The following ROBO1 variants were observed in gnomAD, a reference collection of about 807,000 sequenced individuals.
ROBO1 encodes roundabout guidance receptor 1, also known as roundabout homolog 1.
ROBO1 carries 149 observed loss-of-function variants against 195.9 expected under a neutral mutation model. That is an observed-to-expected ratio of 0.76 (90% confidence interval 0.67 to 0.87). The LOEUF (loss-of-function observed/expected upper bound fraction) is 0.87. Among genes scored for constraint, ROBO1 ranks in the 40% least tolerant of loss-of-function variants. The pLI is 0.00. For missense variants in ROBO1, 1,933 were observed against 2,068.3 expected (o/e 0.93, Z 1.27); for synonymous variants, 816 against 733.2 (o/e 1.11, Z -1.82).
At chr3:78,885,345 C>A (rs1225276595) in intron 4 of ROBO1, among the ~76,000 whole-genome samples, 1 of 125,086 alleles carries the variant, frequency 8.0e-6, no homozygotes, top group Non-Finnish European at 1.6e-5. Context: ...ATAATCTGTA[C>A]AACAAACCCC....
intron 4 of ROBO1, among the ~76,000 whole-genome samples, chr3:78,828,392 T>G (rs905563901): frequency 6.6e-6 from 1 of 152,208 alleles, no homozygotes. Flanking sequence ...CTAGAATACA[T>G]TAATTTATTG....
Position 79,580,029 on chromosome 3 carries a change from C to T in ROBO1, c.88+9795G>A, listed in dbSNP as rs995670397. ...AAACATTGAAATAAAGTTGAAAGGC[C>T]ATTTAGATGGAAAAATGATAAATTA... On this transcript the variant is annotated intron_variant, in intron 2 of 30. Transcript: ENST00000464233. 9.2e-5 allele frequency among the ~76,000 whole-genome samples: 14 copies of T among 151,946 alleles called. No individual in the cohort carries two copies. In the South Asian group the frequency reaches 1.5e-3, roughly 16 times the overall value.
At chr3:78,772,125 T>C (rs961965669) in intron 4 of ROBO1, among the ~76,000 whole-genome samples, 1 of 152,114 alleles carries the variant, frequency 6.6e-6, no homozygotes, top group African/African-American at 2.4e-5. Context: ...GTGCCTAATA[T>C]GACCTAATAC....
intron 2 of ROBO1, among the ~76,000 whole-genome samples, chr3:79,301,364 C>G (rs1324047319): frequency 2.6e-5 from 4 of 152,196 alleles, no homozygotes; most frequent in African/African-American, 9.6e-5. Flanking sequence ...TGAAATGTGA[C>G]TGAGTATATA....
chr3:79,412,399 G>A (rs1461936372), intron 2 of ROBO1, among the ~76,000 whole-genome samples: 1 of 152,110 alleles, frequency 6.6e-6, no homozygotes, highest in Admixed American at 6.6e-5. Flanking sequence ...AGGAAAAGCT[G>A]TGATTTCAGC....
At chr3:79,085,704 G>T (rs1401841548) in intron 3 of ROBO1, among the ~76,000 whole-genome samples, 1 of 152,020 alleles carries the variant, frequency 6.6e-6, no homozygotes. Flanking sequence ...TTCTACTTTT[G>T]TGTCTAGGAA....
rs763576136 is a variant in ROBO1 at position 78,646,203 on chromosome 3, GA to G, written c.2840-14del. Reference sequence around the variant, plus strand: ...CTCTGGTAAGTTACTAGAATGTTACGAAAAAAAAAAGGAACAATTAATAGAC... The same window carrying G: ...CTCTGGTAAGTTACTAGAATGTTACGAAAAAAAAAGGAACAATTAATAGAC... On this transcript the variant is annotated splice_polypyrimidine_tract_variant and intron_variant, in intron 20 of 30. Coordinates refer to ENST00000464233, the MANE Select transcript of ROBO1 (RefSeq NM_002941.4). The G allele has an allele frequency of 1.9e-3, 2,660 of 1,368,996 alleles. No homozygotes were observed. The highest frequency in any genetic ancestry group is 4.4e-3 in the South Asian group (313 of 70,448). The allele number at this position is 1,368,996 out of a possible 1,614,324, so 84.8% of individuals were successfully genotyped here. A position where few individuals can be genotyped will look rare whatever the true frequency, so the allele number is the denominator to read the frequency against.
At chr3:79,222,057 A>G (rs2082148998) in intron 2 of ROBO1, among the ~76,000 whole-genome samples, 1 of 152,090 alleles carries the variant, frequency 6.6e-6, no homozygotes, top group South Asian at 2.1e-4. Context: ...TTGAGCTTCC[A>G]CTGAGCATAC....
At chr3:78,942,819 A>T (rs1054295637) in intron 3 of ROBO1, among the ~76,000 whole-genome samples, 2 of 152,160 alleles carry the variant, frequency 1.3e-5, no homozygotes, top group Non-Finnish European at 2.9e-5. Flanking sequence ...AGGTGGAAGG[A>T]TCACTTGAGC....
chr3:79,536,336 T>C (rs544227281), intron 2 of ROBO1, among the ~76,000 whole-genome samples: 6 of 152,266 alleles, frequency 3.9e-5, no homozygotes, highest in African/African-American at 1.2e-4. Context: ...TTCCAAGTCC[T>C]ATTTGTGTAT....
chr3:79,071,345 T>G (rs2079085357), intron 3 of ROBO1, among the ~76,000 whole-genome samples: 2 of 151,852 alleles, frequency 1.3e-5, no homozygotes, highest in Admixed American at 1.3e-4. Flanking sequence ...CACTTTGGTT[T>G]TCTTCTTTAA....
chr3:79,327,069 T>C (rs1401772817), intron 2 of ROBO1, among the ~76,000 whole-genome samples: 1 of 152,060 alleles, frequency 6.6e-6, no homozygotes, highest in Non-Finnish European at 1.5e-5. Flanking sequence ...CACATACTTA[T>C]CACAAAAATA....
intron 4 of ROBO1, among the ~76,000 whole-genome samples, chr3:78,931,236 C>CTTTTTTTTTTTTTTTTTTTTTTT (rs71127369): frequency 3.8e-5 from 3 of 79,226 alleles, no homozygotes; most frequent in Non-Finnish European, 4.8e-5. Context: ...TTCTTTCTTT[C>CTTTTTTTTTTTTTTTTTTTTTTT]TTTTTTTTTT....
intron 1 of ROBO1, among the ~76,000 whole-genome samples, chr3:79,735,870 C>CAAAAAAAAA (rs1220855864): frequency 2.8e-5 from 2 of 70,778 alleles, no homozygotes; most frequent in African/African-American, 5.7e-5. Context: ...GACTCCGTCT[C>CAAAAAAAAA]AAAAAAAAAA....
At chr3:79,166,969 A>G (rs2081078899) in intron 2 of ROBO1, among the ~76,000 whole-genome samples, 1 of 152,092 alleles carries the variant, frequency 6.6e-6, no homozygotes, top group South Asian at 2.1e-4. Context: ...TGCTACTGCT[A>G]TTCACTATGC....
intron 4 of ROBO1, among the ~76,000 whole-genome samples, chr3:78,826,578 A>G (rs940298922): frequency 1.3e-5 from 2 of 152,150 alleles, no homozygotes; most frequent in Admixed American, 1.3e-4. Context: ...TACTGAAATC[A>G]ATGTAAGAGT....
chr3:78,964,094 T>G (rs777630043), intron 3 of ROBO1, among the ~76,000 whole-genome samples: 3 of 152,136 alleles, frequency 2.0e-5, no homozygotes, highest in South Asian at 2.1e-4. Flanking sequence ...CCCCGGCGGC[T>G]GCTGCATCAC....
chr3:79,596,026 C>T (rs755830549), intron 1 of ROBO1, among the ~76,000 whole-genome samples: 2 of 151,972 alleles, frequency 1.3e-5, no homozygotes, highest in Non-Finnish European at 2.9e-5. Context: ...AGATATTCTT[C>T]CTCTTTACAT....
intron 2 of ROBO1, among the ~76,000 whole-genome samples, chr3:79,479,786 T>C (rs1425956318): frequency 6.6e-6 from 1 of 152,208 alleles, no homozygotes; most frequent in Non-Finnish European, 1.5e-5. Flanking sequence ...TACATTATAA[T>C]TAGTCTTCTG....
Sources: gnomAD v4.1 joint callset for allele counts (sites outside exome capture counted in the v4.1 genomes callset) on GRCh38, gnomAD v4.1.1 for gene constraint, MANE v1.5 for transcripts, NCBI Gene and HGNC (gene_info 2026-07-23, HGNC 2026-07-21) for gene names.